The following KIAA1549L variants were observed in gnomAD, a reference collection of about 807,000 sequenced individuals.
KIAA1549L encodes UPF0606 protein KIAA1549L.
A neutral mutation model predicts 160.7 loss-of-function variants in KIAA1549L; 88 were observed. The ratio of observed to expected loss-of-function variants is 0.55; its 90% CI spans 0.46 to 0.65. The LOEUF (loss-of-function observed/expected upper bound fraction) is 0.65, where lower values mean the gene tolerates loss of function less well. Ranked by LOEUF, KIAA1549L falls within the 30% of genes least tolerant of loss-of-function variation. The pLI, the probability that KIAA1549L is intolerant of heterozygous loss-of-function variation, is 0.00. For missense variants in KIAA1549L, 2,258 were observed against 2,437.5 expected (o/e 0.93, Z 1.55); for synonymous variants, 950 against 976.7 (o/e 0.97, Z 0.51).
chr11:33,560,368 A>G (rs1308400903), intron 7 of KIAA1549L, among the ~76,000 whole-genome samples: 1 of 152,196 alleles, frequency 6.6e-6, no homozygotes, highest in Non-Finnish European at 1.5e-5. Context: ...TCTGCCTGCT[A>G]GGGCAACCGA....
At chr11:33,574,343 A>G (rs1019727772) in intron 9 of KIAA1549L, among the ~76,000 whole-genome samples, 4 of 152,222 alleles carry the variant, frequency 2.6e-5, no homozygotes, top group African/African-American at 4.8e-5. Context: ...AGACATTTGA[A>G]TTTAACAGTC....
intron 1 of KIAA1549L, among the ~76,000 whole-genome samples, chr11:33,420,507 G>A (rs1190978062): frequency 1.4e-4 from 21 of 152,110 alleles, no homozygotes; most frequent in African/African-American, 4.1e-4. Flanking sequence ...GATTACAGGC[G>A]TGAGCCACTG....
chr11:33,482,904 T>G (rs1852442010), intron 1 of KIAA1549L, among the ~76,000 whole-genome samples: 1 of 152,144 alleles, frequency 6.6e-6, no homozygotes, highest in Non-Finnish European at 1.5e-5. Context: ...AAAGTTATAC[T>G]AGATTTATAT....
At chr11:33,558,614 T>C (rs987483410) in intron 6 of KIAA1549L, among the ~76,000 whole-genome samples, 1 of 152,178 alleles carries the variant, frequency 6.6e-6, no homozygotes, top group East Asian at 1.9e-4. Flanking sequence ...GACTTCCTAC[T>C]AACGATGCTT....
chr11:33,430,345 G>A (rs1851213653), intron 1 of KIAA1549L, among the ~76,000 whole-genome samples: 1 of 149,818 alleles, frequency 6.7e-6, no homozygotes, highest in African/African-American at 2.5e-5. Context: ...TCTGTAATAA[G>A]TCATATTTGG....
intron 1 of KIAA1549L, among the ~76,000 whole-genome samples, chr11:33,430,418 T>C (rs1043735346): frequency 2.6e-5 from 4 of 152,186 alleles, no homozygotes; most frequent in Non-Finnish European, 5.9e-5. Flanking sequence ...AATAAAACAT[T>C]TCAACATGTA....
chr11:33,517,667 C>G (rs1853379342), intron 1 of KIAA1549L, among the ~76,000 whole-genome samples: 1 of 152,086 alleles, frequency 6.6e-6, no homozygotes, highest in Non-Finnish European at 1.5e-5. Context: ...ATAAATGCTT[C>G]TATTTCTGGA....
intron 1 of KIAA1549L, among the ~76,000 whole-genome samples, chr11:33,518,726 G>T (rs1853414582): frequency 6.6e-6 from 1 of 152,132 alleles, no homozygotes; most frequent in African/African-American, 2.4e-5. Flanking sequence ...TGCCATTAAA[G>T]CTGTAAAATC....
At chr11:33,505,479 T>A (rs572174007) in intron 1 of KIAA1549L, among the ~76,000 whole-genome samples, 1 of 152,220 alleles carries the variant, frequency 6.6e-6, no homozygotes, top group Non-Finnish European at 1.5e-5. Flanking sequence ...CCGTGCTTGA[T>A]TGACAGTGGA....
At chr11:33,407,610 A>G (rs1237562164) in intron 1 of KIAA1549L, among the ~76,000 whole-genome samples, 5 of 152,036 alleles carry the variant, frequency 3.3e-5, no homozygotes, top group South Asian at 2.1e-4. Context: ...TGGCCTCCCA[A>G]ATTGCTGGGA....
chr11:33,650,339 A>C (rs2133417053), intron 17 of KIAA1549L, among the ~76,000 whole-genome samples: 1 of 152,304 alleles, frequency 6.6e-6, no homozygotes, highest in Middle Eastern at 3.4e-3. Context: ...GGAGAGAGGG[A>C]AGGTGGGAGA....
At chr11:33,566,830 T>G (rs1855065073) in intron 8 of KIAA1549L, among the ~76,000 whole-genome samples, 1 of 152,244 alleles carries the variant, frequency 6.6e-6, no homozygotes, top group Non-Finnish European at 1.5e-5. Context: ...CGATGATCCT[T>G]GGATGGGCTC....
chr11:33,479,613 G>A (rs1302935602), intron 1 of KIAA1549L, among the ~76,000 whole-genome samples: 1 of 152,098 alleles, frequency 6.6e-6, no homozygotes, highest in Non-Finnish European at 1.5e-5. Flanking sequence ...AAGTGGCATC[G>A]GAGAATAAGA....
rs575335252 is a variant in KIAA1549L at position 33,569,760 on chromosome 11, G to C, written c.4230+1533G>C. Reference sequence around the variant, plus strand: ...GACCTTACCACGAGGTAAAGCGGTGGTTAAGCTTGCGTGTCAGGTTTGTGA... The same window carrying C: ...GACCTTACCACGAGGTAAAGCGGTGCTTAAGCTTGCGTGTCAGGTTTGTGA... On this transcript the variant is annotated intron_variant, in intron 9 of 20. Coordinates refer to ENST00000658780, the MANE Select transcript of KIAA1549L (RefSeq NM_012194.3). 2.0e-5 allele frequency among the ~76,000 whole-genome samples: 3 copies of C among 152,264 alleles called. No homozygotes were observed. In the East Asian group the frequency reaches 5.8e-4, roughly 29 times the overall value.
chr11:33,400,742 A>G (rs1234746402), intron 1 of KIAA1549L, among the ~76,000 whole-genome samples: 2 of 152,230 alleles, frequency 1.3e-5, no homozygotes, highest in African/African-American at 4.8e-5. Flanking sequence ...AAATTATAGT[A>G]ATAGTAATAG....
intron 9 of KIAA1549L, among the ~76,000 whole-genome samples, chr11:33,571,846 C>T (rs1031972230): frequency 6.6e-6 from 1 of 152,130 alleles, no homozygotes; most frequent in Non-Finnish European, 1.5e-5. Context: ...CTGGCCAAAT[C>T]GGTTTGGGCA....
intron 1 of KIAA1549L, among the ~76,000 whole-genome samples, chr11:33,405,839 CAAAAA>C (rs35479859): frequency 2.0e-4 from 14 of 68,870 alleles, no homozygotes; most frequent in Non-Finnish European, 2.4e-4. Context: ...CAGTCTGTCT[CAAAAA>C]AAAAAAAAAA....
intron 1 of KIAA1549L, among the ~76,000 whole-genome samples, chr11:33,468,290 C>T (rs747564149): frequency 6.6e-6 from 1 of 152,176 alleles, no homozygotes; most frequent in Non-Finnish European, 1.5e-5. Context: ...TCCATGGCAC[C>T]AAAGTTTCTC....
Position 33,517,630 on chromosome 11 carries a change from A to G in KIAA1549L, c.239-24172A>G, listed in dbSNP as rs575785351. On this transcript the variant is annotated intron_variant, in intron 1 of 20. Coordinates refer to ENST00000658780, the MANE Select transcript of KIAA1549L (RefSeq NM_012194.3). Reference sequence around the variant, plus strand: ...ATTAATGTTTAATTCCAATTTCAAAATGTTATAAGTTAATAAAAGCGAGGA... The same window carrying G: ...ATTAATGTTTAATTCCAATTTCAAAGTGTTATAAGTTAATAAAAGCGAGGA... 2.3e-4 allele frequency among the ~76,000 whole-genome samples: 35 copies of G among 152,288 alleles called. No individual in the cohort carries two copies. The South Asian group carries it at 6.8e-3, about 30-fold the overall frequency.
Sources: gnomAD v4.1 joint callset for allele counts (sites outside exome capture counted in the v4.1 genomes callset) on GRCh38, gnomAD v4.1.1 for gene constraint, MANE v1.5 for transcripts, NCBI Gene and HGNC (gene_info 2026-07-23, HGNC 2026-07-21) for gene names.